Variants in KCTD16 observed in about 807,000 individuals in gnomAD.
KCTD16 encodes the protein BTB/POZ domain-containing protein KCTD16.
A neutral mutation model predicts 33.2 loss-of-function variants in KCTD16; 13 were observed. The observed-to-expected ratio is 0.39, with a 90% confidence interval of 0.25 to 0.62. KCTD16 has a LOEUF of 0.62. Ranked by LOEUF, KCTD16 falls within the 20% of genes least tolerant of loss-of-function variation. The pLI is 0.50. For synonymous variants in KCTD16, 197 were observed against 195.3 expected (o/e 1.01, Z -0.07); for missense variants, 441 against 525.1 (o/e 0.84, Z 1.57).
intron 3 of KCTD16, among the ~76,000 whole-genome samples, chr5:144,443,187 T>G (rs1753750940): frequency 6.6e-6 from 1 of 152,124 alleles, no homozygotes; most frequent in African/African-American, 2.4e-5. Flanking sequence ...AAAGTGAGGT[T>G]ACTATAAACT....
At chr5:144,342,920 G>A (rs1433127178) in intron 3 of KCTD16, among the ~76,000 whole-genome samples, 1 of 152,154 alleles carries the variant, frequency 6.6e-6, no homozygotes, top group Non-Finnish European at 1.5e-5. Flanking sequence ...TGCATCCCAG[G>A]GATGAAGCCC....
Position 144,341,373 on chromosome 5 carries a change from G to T in KCTD16, c.833-132287G>T, listed in dbSNP as rs371306545. Among the ~76,000 whole-genome samples, 122 of 152,180 alleles carry T rather than the reference G, an allele frequency of 8.0e-4. 2 individuals are homozygous for T. In the South Asian group the frequency reaches 0.024, roughly 30 times the overall value. On this transcript the variant is annotated intron_variant, in intron 3 of 3. Coordinates refer to ENST00000512467, the MANE Select transcript of KCTD16 (RefSeq NM_020768.4). ...TTTTCCAAATCAGACATATATATGC[G>T]GGGGATTTCTCATGGGGATTAGGCA...
intron 3 of KCTD16, among the ~76,000 whole-genome samples, chr5:144,404,034 C>T (rs967010579): frequency 1.3e-5 from 2 of 152,120 alleles, no homozygotes; most frequent in Non-Finnish European, 2.9e-5. Flanking sequence ...ATGGGATATG[C>T]CTCTGGAAGG....
chr5:144,279,386 A>C (rs1755540294), intron 3 of KCTD16, among the ~76,000 whole-genome samples: 2 of 152,208 alleles, frequency 1.3e-5, no homozygotes, highest in Non-Finnish European at 2.9e-5. Flanking sequence ...CTCCATTTTA[A>C]GGAGAAAGTA....
intron 3 of KCTD16, among the ~76,000 whole-genome samples, chr5:144,379,179 C>T (rs1373726893): frequency 6.6e-6 from 1 of 152,106 alleles, no homozygotes; most frequent in Non-Finnish European, 1.5e-5. Flanking sequence ...CTCTCCTGCC[C>T]ATAAGGTTTT....
At chr5:144,316,901 C>T (rs552933263) in intron 3 of KCTD16, among the ~76,000 whole-genome samples, 10 of 141,748 alleles carry the variant, frequency 7.1e-5, no homozygotes, top group Middle Eastern at 4.2e-3. Context: ...GATCTCGGCT[C>T]ACTGCAACCT....
At chr5:144,219,724 T>C (rs761193538) in intron 3 of KCTD16, among the ~76,000 whole-genome samples, 8 of 151,908 alleles carry the variant, frequency 5.3e-5, no homozygotes, top group Non-Finnish European at 1.2e-4. Flanking sequence ...TTCACCATGT[T>C]GGTCAGTCTG....
intron 3 of KCTD16, among the ~76,000 whole-genome samples, chr5:144,257,731 C>T (rs1170767900): frequency 6.6e-6 from 1 of 152,136 alleles, no homozygotes; most frequent in Admixed American, 6.5e-5. Context: ...TCGTGATCCG[C>T]CTGCCTCAGC....
intron 2 of KCTD16, among the ~76,000 whole-genome samples, chr5:144,179,579 G>T (rs965693496): frequency 2.6e-5 from 4 of 152,206 alleles, no homozygotes; most frequent in African/African-American, 9.7e-5. Context: ...TGGGAACAGG[G>T]ATCCTTCCTT....
chr5:144,282,192 T>TC (rs2126855695), intron 3 of KCTD16, among the ~76,000 whole-genome samples: 1 of 152,280 alleles, frequency 6.6e-6, no homozygotes, highest in South Asian at 2.1e-4. Context: ...GTTGAGCTGA[T>TC]CACCAATGGC....
chr5:144,209,412 A>G (rs1753295864), intron 3 of KCTD16, among the ~76,000 whole-genome samples: 1 of 152,144 alleles, frequency 6.6e-6, no homozygotes, highest in Non-Finnish European at 1.5e-5. Flanking sequence ...GCTGAGGAAC[A>G]GTTTGTTCTC....
intron 3 of KCTD16, among the ~76,000 whole-genome samples, chr5:144,465,981 G>A (rs1754322655): frequency 6.6e-6 from 1 of 151,930 alleles, no homozygotes; most frequent in Non-Finnish European, 1.5e-5. Flanking sequence ...TGGGATTACA[G>A]GCGTCTGCCA....
intron 2 of KCTD16, among the ~76,000 whole-genome samples, chr5:144,174,810 T>G (rs1410780138): frequency 1.3e-5 from 2 of 152,202 alleles, no homozygotes; most frequent in Admixed American, 1.3e-4. Flanking sequence ...TTGTTAAAAA[T>G]AAGTCTTTTA....
intron 3 of KCTD16, among the ~76,000 whole-genome samples, chr5:144,330,191 T>C (rs1459225931): frequency 2.0e-5 from 3 of 152,100 alleles, no homozygotes; most frequent in Non-Finnish European, 4.4e-5. Flanking sequence ...GGTGGGTGGA[T>C]CACCTGAGGT....
At chr5:144,400,971 A>C (rs1036474704) in intron 3 of KCTD16, among the ~76,000 whole-genome samples, 2 of 152,164 alleles carry the variant, frequency 1.3e-5, no homozygotes, top group African/African-American at 4.8e-5. Context: ...GAATAGAGAA[A>C]AGGCCAGGGC....
intron 3 of KCTD16, among the ~76,000 whole-genome samples, chr5:144,296,669 A>G (rs1756045959): frequency 6.6e-6 from 1 of 152,202 alleles, no homozygotes; most frequent in African/African-American, 2.4e-5. Context: ...CCTCTGGAGC[A>G]TTTGGGTGCT....
intron 3 of KCTD16, among the ~76,000 whole-genome samples, chr5:144,313,582 C>T (rs1017665510): frequency 4.6e-5 from 7 of 152,076 alleles, no homozygotes; most frequent in Non-Finnish European, 8.8e-5. Context: ...TTCAGATTTA[C>T]GATGCTTTTT....
intron 3 of KCTD16, among the ~76,000 whole-genome samples, chr5:144,283,879 A>G (rs1180145747): frequency 6.6e-6 from 1 of 152,206 alleles, no homozygotes; most frequent in Non-Finnish European, 1.5e-5. Context: ...TTTGGTTGTG[A>G]TCACAGAAAT....
chr5:144,225,788 T>C (rs913321340), intron 3 of KCTD16, among the ~76,000 whole-genome samples: 1 of 152,174 alleles, frequency 6.6e-6, no homozygotes, highest in African/African-American at 2.4e-5. Flanking sequence ...ATTCAGACAA[T>C]GAGCTTCTTT....
Sources: gnomAD v4.1 joint callset for allele counts (sites outside exome capture counted in the v4.1 genomes callset) on GRCh38, gnomAD v4.1.1 for gene constraint, MANE v1.5 for transcripts, NCBI Gene and HGNC (gene_info 2026-07-23, HGNC 2026-07-21) for gene names.